Variants in NEDD4L observed in about 807,000 individuals in gnomAD.
NEDD4L encodes NEDD4 like E3 ubiquitin protein ligase, also known as E3 ubiquitin-protein ligase NEDD4-like.
NEDD4L carries 54 observed loss-of-function variants against 148.9 expected under a neutral mutation model. The observed-to-expected ratio is 0.36, with a 90% CI of 0.29 to 0.45. NEDD4L has a LOEUF of 0.45. NEDD4L is among the 20% of genes least tolerant of loss of function. The pLI is 1.00. For missense variants in NEDD4L, 856 were observed against 1,233.8 expected (o/e 0.69, Z 4.59); for synonymous variants, 433 against 440.7 (o/e 0.98, Z 0.22).
At chr18:58,126,844 AC>A (rs2031196361) in intron 1 of NEDD4L, among the ~76,000 whole-genome samples, 2 of 151,968 alleles carry the variant, frequency 1.3e-5, no homozygotes, top group South Asian at 4.2e-4. Context: ...TGTCTATTGC[AC>A]CCCCCAGGAA....
intron 1 of NEDD4L, among the ~76,000 whole-genome samples, chr18:58,089,852 T>C (rs2083967191): frequency 6.6e-6 from 1 of 151,644 alleles, no homozygotes; most frequent in Admixed American, 6.6e-5. Flanking sequence ...TTTTTTTTTT[T>C]TTTTTGAGAC....
intron 5 of NEDD4L, among the ~76,000 whole-genome samples, chr18:58,295,689 C>G (rs2055457161): frequency 6.6e-6 from 1 of 152,038 alleles, no homozygotes; most frequent in African/African-American, 2.4e-5. Context: ...TGTTAGAGTG[C>G]CGTGCTGCGT....
intron 5 of NEDD4L, among the ~76,000 whole-genome samples, chr18:58,303,641 T>C (rs902637558): frequency 6.6e-6 from 1 of 152,182 alleles, no homozygotes; most frequent in African/African-American, 2.4e-5. Flanking sequence ...ACATGGAGCT[T>C]TGCTTGCTGA....
At chr18:58,249,626 G>A (rs151232271) in intron 4 of NEDD4L, among the ~76,000 whole-genome samples, 14 of 152,262 alleles carry the variant, frequency 9.2e-5, no homozygotes, top group African/African-American at 3.1e-4. Context: ...TCTTCAAAAC[G>A]AAGGTATCTT....
chr18:58,140,791 T>C (rs1292558542), intron 1 of NEDD4L, among the ~76,000 whole-genome samples: 1 of 152,264 alleles, frequency 6.6e-6, no homozygotes. Flanking sequence ...GCCACTCTTA[T>C]GGCTCTGCTG....
intron 9 of NEDD4L, among the ~76,000 whole-genome samples, chr18:58,327,036 C>G (rs2059369527): frequency 6.6e-6 from 1 of 152,052 alleles, no homozygotes; most frequent in Admixed American, 6.5e-5. Flanking sequence ...TGGCAGTGTC[C>G]CAGAAACTAA....
intron 1 of NEDD4L, chr18:58,091,241 C>A (rs2084053922): frequency 6.6e-6 from 1 of 152,224 alleles, no homozygotes; most frequent in African/African-American, 2.4e-5. Flanking sequence ...TGCTCTGTAC[C>A]TTTCCTAAAG....
At chr18:58,149,110 G>A (rs1308957782) in intron 1 of NEDD4L, among the ~76,000 whole-genome samples, 2 of 152,228 alleles carry the variant, frequency 1.3e-5, no homozygotes, top group Non-Finnish European at 2.9e-5. Flanking sequence ...GGGAAAACAT[G>A]AAATATACAA....
intron 2 of NEDD4L, among the ~76,000 whole-genome samples, chr18:58,203,058 C>G (rs2041591957): frequency 6.6e-6 from 1 of 152,112 alleles, no homozygotes; most frequent in Non-Finnish European, 1.5e-5. Flanking sequence ...GCCTTGAGCT[C>G]CTGGACCCAA....
chr18:58,152,905 G>A (rs1389637059), intron 1 of NEDD4L, among the ~76,000 whole-genome samples: 1 of 152,212 alleles, frequency 6.6e-6, no homozygotes, highest in Non-Finnish European at 1.5e-5. Flanking sequence ...GTACCTGCAA[G>A]TACCTGCAAG....
At chr18:58,246,720 C>T (rs2047305763) in intron 3 of NEDD4L, among the ~76,000 whole-genome samples, 1 of 152,152 alleles carries the variant, frequency 6.6e-6, no homozygotes, top group South Asian at 2.1e-4. Flanking sequence ...CCGCCTTAGC[C>T]TCCCAAAGTG....
At chr18:58,319,773 C>T (rs897957990) in intron 6 of NEDD4L, among the ~76,000 whole-genome samples, 6 of 152,164 alleles carry the variant, frequency 3.9e-5, no homozygotes, top group South Asian at 2.1e-4. Context: ...TAATGCCCTA[C>T]CTGTTACTGC....
Position 58,256,542 on chromosome 18 carries a change from G to T in NEDD4L, c.297+4488G>T. 7 of 1,232,288 alleles carry T rather than the reference G, an allele frequency of 5.7e-6. No homozygotes were observed. Among genetic ancestry groups the T allele is most frequent in the Non-Finnish European group, 7.1e-6 (7 of 988,068 alleles). The allele number at this position is 1,232,288 out of a possible 1,614,324, so 76.3% of individuals were successfully genotyped here. A position where few individuals can be genotyped will look rare whatever the true frequency, so the allele number is the denominator to read the frequency against. ...GAGCGAGGGAGCCCCACGGAAGATC[G>T]GGGAGCCCTGGAGGCATCGCCTCGA... On this transcript the variant is annotated intron_variant, in intron 5 of 30. Coordinates refer to ENST00000400345, the MANE Select transcript of NEDD4L (RefSeq NM_001144967.3). The surrounding 1 kb of genome is among the most constrained non-coding windows in gnomAD (Gnocchi z 5.2).
At chr18:58,387,829 A>C (rs1464159601) in intron 27 of NEDD4L, 3 of 186,614 alleles carry the variant, frequency 1.6e-5, no homozygotes, top group African/African-American at 7.1e-5. Context: ...AGGCGAGGCA[A>C]ATTGCCACAA....
At chr18:58,139,644 C>A (rs1423876635) in intron 1 of NEDD4L, among the ~76,000 whole-genome samples, 1 of 152,162 alleles carries the variant, frequency 6.6e-6, no homozygotes, top group Non-Finnish European at 1.5e-5. Flanking sequence ...TGTCTTTTGT[C>A]TGTGTTACAT....
At chr18:58,353,421 T>A (rs1282685701) in intron 18 of NEDD4L, among the ~76,000 whole-genome samples, 18 of 152,238 alleles carry the variant, frequency 1.2e-4, no homozygotes, top group Admixed American at 1.2e-3. Context: ...ATTGAAAGAT[T>A]CTGTTAAAGA....
At chr18:58,068,077 A>T (rs545003189) in intron 1 of NEDD4L, among the ~76,000 whole-genome samples, 1 of 152,148 alleles carries the variant, frequency 6.6e-6, no homozygotes, top group South Asian at 2.1e-4. Context: ...CTCCTTCCTC[A>T]GCCTCCTGAG....
intron 2 of NEDD4L, among the ~76,000 whole-genome samples, chr18:58,176,052 A>G (rs1402534142): frequency 1.3e-5 from 2 of 152,220 alleles, no homozygotes; most frequent in East Asian, 3.8e-4. Flanking sequence ...TCACTGAGCA[A>G]AGACTGTGCC....
chr18:58,338,431 T>C (rs184122175), intron 13 of NEDD4L, among the ~76,000 whole-genome samples: 5 of 152,350 alleles, frequency 3.3e-5, no homozygotes. Flanking sequence ...TTGTTCTATG[T>C]GGTCATTTGG....
Sources: allele counts gnomAD v4.1 joint callset (sites outside exome capture counted in the v4.1 genomes callset), GRCh38; gene constraint gnomAD v4.1.1; non-coding constraint Gnocchi (gnomAD v3.1); transcripts MANE v1.5; gene names NCBI Gene and HGNC (gene_info 2026-07-23, HGNC 2026-07-21).